SCAPER: variants seen among roughly 807,000 people sequenced by gnomAD.
SCAPER encodes the protein S phase cyclin A-associated protein in the endoplasmic reticulum.
In SCAPER, 98 loss-of-function variants were observed where a neutral mutation model predicts 182.2. The observed-to-expected ratio is 0.54, with a 90% CI of 0.46 to 0.64. SCAPER has a LOEUF of 0.64. Ranked by LOEUF, SCAPER falls within the 30% of genes least tolerant of loss-of-function variation. The probability of loss-of-function intolerance (pLI) is 0.00; values close to 1 mark genes in which losing one functional copy is unlikely to be tolerated. For missense variants in SCAPER, 1,432 were observed against 1,690.0 expected (o/e 0.85, Z 2.68); for synonymous variants, 605 against 564.6 (o/e 1.07, Z -1.01).
At chr15:76,632,571 A>G (rs529079928) in intron 21 of SCAPER, among the ~76,000 whole-genome samples, 1 of 152,122 alleles carries the variant, frequency 6.6e-6, no homozygotes, top group South Asian at 2.1e-4. Flanking sequence ...AGCAAAGTTC[A>G]TTATTACCCA....
intron 3 of SCAPER, among the ~76,000 whole-genome samples, chr15:76,858,661 CTTT>C (rs1041623375): frequency 1.1e-4 from 17 of 152,128 alleles, no homozygotes; most frequent in African/African-American, 3.9e-4. Flanking sequence ...TTGCTCCCTT[CTTT>C]GTGTCCATGT....
intron 23 of SCAPER, among the ~76,000 whole-genome samples, chr15:76,554,165 A>G (rs1363369385): frequency 6.6e-6 from 1 of 152,230 alleles, no homozygotes; most frequent in Non-Finnish European, 1.5e-5. Flanking sequence ...TGAAAAATAC[A>G]CTACAAGAAT....
intron 15 of SCAPER, among the ~76,000 whole-genome samples, chr15:76,742,466 TAAAAAA>T (rs55751202): frequency 5.4e-5 from 2 of 37,026 alleles, no homozygotes; most frequent in East Asian, 2.0e-3. Context: ...TGTCTTTTCC[TAAAAAA>T]AAAAAAAAAA....
At chr15:76,641,276 ATTC>A (rs2054082693) in intron 21 of SCAPER, among the ~76,000 whole-genome samples, 1 of 152,180 alleles carries the variant, frequency 6.6e-6, no homozygotes, top group Non-Finnish European at 1.5e-5. Flanking sequence ...TATATTGTAA[ATTC>A]TTATCTCTGT....
chr15:76,424,181 C>T (rs958181594), intron 26 of SCAPER, among the ~76,000 whole-genome samples: 12 of 151,904 alleles, frequency 7.9e-5, no homozygotes, highest in Non-Finnish European at 1.6e-4. Flanking sequence ...TCCTTGTTAA[C>T]TTTGTCTCAT....
chr15:76,464,530 T>TG (rs1180587246), intron 25 of SCAPER, among the ~76,000 whole-genome samples: 1 of 152,090 alleles, frequency 6.6e-6, no homozygotes, highest in Non-Finnish European at 1.5e-5. Context: ...CCATGGAGAC[T>TG]GCATTTTTGA....
intron 16 of SCAPER, among the ~76,000 whole-genome samples, chr15:76,730,285 T>C (rs2060841344): frequency 6.6e-6 from 1 of 152,060 alleles, no homozygotes; most frequent in Admixed American, 6.6e-5. Context: ...CTCTATTTCT[T>C]TCTTTTTTTT....
chr15:76,802,183 T>C (rs2065844911), intron 6 of SCAPER, among the ~76,000 whole-genome samples: 3 of 152,136 alleles, frequency 2.0e-5, no homozygotes, highest in Admixed American at 2.0e-4. Flanking sequence ...TAAAGATTTA[T>C]TGTAAGGATA....
intron 20 of SCAPER, among the ~76,000 whole-genome samples, chr15:76,669,515 T>C (rs370171037): frequency 6.6e-6 from 1 of 152,228 alleles, no homozygotes; most frequent in Non-Finnish European, 1.5e-5. Flanking sequence ...GCACCATCCA[T>C]ACTACCATTT....
At chr15:76,793,200 CTACTGT>C in intron 8 of SCAPER, 1 of 1,150,556 alleles carries the variant, frequency 8.7e-7, no homozygotes, top group Non-Finnish European at 1.3e-6. Context: ...AGTTCTATAG[CTACTGT>C]TATTATATAT....
At chr15:76,738,871 T>C (rs1248948394) in intron 15 of SCAPER, among the ~76,000 whole-genome samples, 1 of 152,116 alleles carries the variant, frequency 6.6e-6, no homozygotes, top group Non-Finnish European at 1.5e-5. Flanking sequence ...AGTGAGCACG[T>C]GTTGTTGGAA....
At chr15:76,432,394 G>A (rs1055120331) in intron 26 of SCAPER, among the ~76,000 whole-genome samples, 1 of 152,200 alleles carries the variant, frequency 6.6e-6, no homozygotes, top group Non-Finnish European at 1.5e-5. Flanking sequence ...AGTAATCAAG[G>A]GTAAGGAAGC....
chr15:76,454,865 G>A (rs2048614454), intron 25 of SCAPER, among the ~76,000 whole-genome samples: 1 of 151,662 alleles, frequency 6.6e-6, no homozygotes, highest in Admixed American at 6.6e-5. Context: ...TTTTTAATAG[G>A]TAGATTTTAA....
At chr15:76,547,186 A>G (rs1245304496) in intron 23 of SCAPER, among the ~76,000 whole-genome samples, 2 of 152,138 alleles carry the variant, frequency 1.3e-5, no homozygotes, top group African/African-American at 4.8e-5. Flanking sequence ...CCGTTTCCCC[A>G]TATGCTTTCC....
intron 5 of SCAPER, among the ~76,000 whole-genome samples, chr15:76,825,188 G>C (rs2151674801): frequency 6.6e-6 from 1 of 152,180 alleles, no homozygotes; most frequent in South Asian, 2.1e-4. Context: ...TCAGCCTCAA[G>C]GATCTTCAGC....
intron 27 of SCAPER, 47 bp from the exon 28 acceptor site, chr15:76,381,662 G>C: frequency 7.0e-7 from 1 of 1,423,908 alleles, no homozygotes; most frequent in South Asian, 1.2e-5. Flanking sequence ...CTTAATGGAT[G>C]TTAGCAATTT....
At chr15:76,483,601 T>C (rs1229789963) in intron 24 of SCAPER, among the ~76,000 whole-genome samples, 1 of 152,086 alleles carries the variant, frequency 6.6e-6, no homozygotes, top group Non-Finnish European at 1.5e-5. Flanking sequence ...AAAACACATA[T>C]CTGATAAAGT....
intron 23 of SCAPER, among the ~76,000 whole-genome samples, chr15:76,521,801 T>TA (rs1156329766): frequency 1.3e-5 from 2 of 152,182 alleles, no homozygotes; most frequent in South Asian, 2.1e-4. Flanking sequence ...TAAATTTGTT[T>TA]AAAAAATCTA....
intron 22 of SCAPER, among the ~76,000 whole-genome samples, chr15:76,589,854 T>C (rs1402063313): frequency 6.6e-6 from 1 of 152,070 alleles, no homozygotes; most frequent in African/African-American, 2.4e-5. Flanking sequence ...GCCCACAGGG[T>C]TTCTGCCGTG....
Sources: gnomAD v4.1 joint callset for allele counts (sites outside exome capture counted in the v4.1 genomes callset) on GRCh38, gnomAD v4.1.1 for gene constraint, MANE v1.5 for transcripts, NCBI Gene and HGNC (gene_info 2026-07-23, HGNC 2026-07-21) for gene names.